The following DLC1 variants were observed in gnomAD, a reference collection of about 807,000 sequenced individuals.
The protein encoded by DLC1 is rho GTPase-activating protein 7.
A neutral mutation model predicts 140.3 loss-of-function variants in DLC1; 54 were observed. The observed-to-expected ratio is 0.38, with a 90% CI of 0.31 to 0.48. The LOEUF is 0.48. Ranked by LOEUF, DLC1 falls within the 20% of genes least tolerant of loss-of-function variation. The pLI is 0.96. For synonymous variants in DLC1, 986 were observed against 728.1 expected (o/e 1.35, Z -5.70); for missense variants, 2,536 against 1,907.0 (o/e 1.33, Z -6.14).
chr8:13,578,332 A>G (rs1294479619), intron 1 of DLC1, among the ~76,000 whole-genome samples: 1 of 152,188 alleles, frequency 6.6e-6, no homozygotes, highest in East Asian at 1.9e-4. Context: ...AGGAAAAAAC[A>G]AACTGTGTTT....
At chr8:13,567,956 G>C in intron 1 of DLC1, 1 of 1,529,708 alleles carries the variant, frequency 6.5e-7, no homozygotes, top group Middle Eastern at 1.8e-4. Flanking sequence ...GTGTAATGTG[G>C]ATAGATGTCT....
intron 2 of DLC1, among the ~76,000 whole-genome samples, chr8:13,404,945 A>G (rs1407153163): frequency 1.3e-5 from 2 of 152,098 alleles, no homozygotes; most frequent in African/African-American, 4.8e-5. Flanking sequence ...AGGCAGAGGC[A>G]GCAGTGAGCC....
At chr8:13,537,289 CA>C (rs1158494430) in intron 1 of DLC1, among the ~76,000 whole-genome samples, 1 of 152,190 alleles carries the variant, frequency 6.6e-6, no homozygotes, top group Non-Finnish European at 1.5e-5. Flanking sequence ...TTCTGCCATT[CA>C]GGCCCTCCAC....
intron 1 of DLC1, among the ~76,000 whole-genome samples, chr8:13,511,832 C>T (rs1395514510): frequency 2.0e-5 from 3 of 152,062 alleles, no homozygotes; most frequent in Admixed American, 2.0e-4. Context: ...CATTTTATAA[C>T]ACTGACATCA....
intron 2 of DLC1, among the ~76,000 whole-genome samples, chr8:13,484,830 T>C (rs1293081300): frequency 1.3e-5 from 2 of 151,790 alleles, no homozygotes; most frequent in Non-Finnish European, 2.9e-5. Flanking sequence ...CTCACCTGGG[T>C]ACCTACTGAC....
intron 4 of DLC1, among the ~76,000 whole-genome samples, chr8:13,385,972 A>G (rs1354242411): frequency 6.6e-6 from 1 of 152,190 alleles, no homozygotes; most frequent in Non-Finnish European, 1.5e-5. Flanking sequence ...CTTACCAGTT[A>G]TTATTACTCC....
intron 1 of DLC1, among the ~76,000 whole-genome samples, chr8:13,601,123 G>A (rs151165219): frequency 6.9e-4 from 104 of 151,738 alleles, no homozygotes; most frequent in African/African-American, 2.4e-3. Flanking sequence ...TATTATTTTA[G>A]GTGTGCAGTG....
intron 1 of DLC1, among the ~76,000 whole-genome samples, chr8:13,522,760 G>A (rs896409369): frequency 6.6e-6 from 1 of 152,076 alleles, no homozygotes; most frequent in African/African-American, 2.4e-5. Context: ...TGTGGAATGA[G>A]GATTGAGGGG....
chr8:13,420,522 T>C (rs1420660467), intron 2 of DLC1, among the ~76,000 whole-genome samples: 1 of 152,242 alleles, frequency 6.6e-6, no homozygotes, highest in East Asian at 1.9e-4. Flanking sequence ...AAGTCTCGCA[T>C]GCATTAGGTA....
At chr8:13,296,247 T>C (rs1831949196) in intron 5 of DLC1, among the ~76,000 whole-genome samples, 2 of 152,150 alleles carry the variant, frequency 1.3e-5, no homozygotes, top group African/African-American at 2.4e-5. Context: ...TGAGCCACCA[T>C]GCCCAGCCAG....
At chr8:13,248,594 C>G (rs1324750619) in intron 5 of DLC1, among the ~76,000 whole-genome samples, 1 of 152,138 alleles carries the variant, frequency 6.6e-6, no homozygotes, top group Admixed American at 6.5e-5. Context: ...TCTGCGGACA[C>G]CCCCCACATG....
chr8:13,154,675 C>A (rs1323553422), intron 5 of DLC1, among the ~76,000 whole-genome samples: 1 of 152,200 alleles, frequency 6.6e-6, no homozygotes, highest in Non-Finnish European at 1.5e-5. Flanking sequence ...AAGGGCTGGT[C>A]AAGCGGGGCC....
intron 5 of DLC1, among the ~76,000 whole-genome samples, chr8:13,139,338 G>C (rs551212207): frequency 4.7e-4 from 65 of 136,884 alleles, no homozygotes; most frequent in African/African-American, 1.6e-3. Context: ...AAAAAAATGA[G>C]AGTCTGAGAT....
At chr8:13,433,111 A>T (rs1402517860) in intron 2 of DLC1, among the ~76,000 whole-genome samples, 1 of 152,120 alleles carries the variant, frequency 6.6e-6, no homozygotes, top group African/African-American at 2.4e-5. Context: ...ATGAGATGCA[A>T]AGTACAGGAT....
chr8:13,548,789 G>T lies in DLC1; in HGVS notation c.-125-48593C>A, dbSNP rs187821760. On this transcript the variant is annotated intron_variant, in intron 1 of 1. Coordinates refer to the DLC1 transcript ENST00000631382. ...AAAGAAACAAAATCAAGCTTATTTG[G>T]GTTGGTATTATTGTTGATTAATTTC... Among the ~76,000 whole-genome samples, 16 of 152,090 alleles carry T rather than the reference G, an allele frequency of 1.1e-4. 1 individual carries two copies. The East Asian group carries it at 2.7e-3, about 26-fold the overall frequency.
chr8:13,592,532 A>G (rs1003881260), intron 1 of DLC1, among the ~76,000 whole-genome samples: 1 of 152,100 alleles, frequency 6.6e-6, no homozygotes, highest in Admixed American at 6.5e-5. Context: ...TTTCTATTTT[A>G]GAAATTCCTT....
At chr8:13,488,044 G>A (rs1240952915) in intron 2 of DLC1, among the ~76,000 whole-genome samples, 3 of 152,208 alleles carry the variant, frequency 2.0e-5, no homozygotes, top group Non-Finnish European at 2.9e-5. Flanking sequence ...CAGTATGTGA[G>A]TAGAATATGA....
intron 5 of DLC1, among the ~76,000 whole-genome samples, chr8:13,151,424 T>A (rs541005132): frequency 5.3e-5 from 8 of 152,192 alleles, no homozygotes; most frequent in Non-Finnish European, 1.2e-4. Context: ...TTGCCTAAGG[T>A]CATACAGGTG....
chr8:13,571,264 A>G (rs1011983868), intron 1 of DLC1, among the ~76,000 whole-genome samples: 2 of 152,162 alleles, frequency 1.3e-5, no homozygotes, highest in African/African-American at 4.8e-5. Context: ...TAATAGTACC[A>G]TTCAGTAGCA....
Sources: allele counts gnomAD v4.1 joint callset (sites outside exome capture counted in the v4.1 genomes callset), GRCh38; gene constraint gnomAD v4.1.1; transcripts MANE v1.5; gene names NCBI Gene and HGNC (gene_info 2026-07-23, HGNC 2026-07-21).